KIAA1217: variants seen among roughly 807,000 people sequenced by gnomAD.
KIAA1217 encodes KIAA1217.
KIAA1217 carries 88 observed loss-of-function variants against 163.9 expected under a neutral mutation model. The ratio of observed to expected loss-of-function variants is 0.54; its 90% CI spans 0.45 to 0.64. The LOEUF (loss-of-function observed/expected upper bound fraction) is 0.64. Ranked by LOEUF, KIAA1217 falls within the 30% of genes least tolerant of loss-of-function variation. The pLI, the probability that KIAA1217 is intolerant of heterozygous loss-of-function variation, is 0.00. For missense variants in KIAA1217, 2,372 were observed against 2,475.0 expected (o/e 0.96, Z 0.88); for synonymous variants, 903 against 923.1 (o/e 0.98, Z 0.39).
chr10:24,219,577 C>T (rs573015612), intron 1 of KIAA1217, 49 bp from the exon 2 acceptor site: 1 of 1,480,264 alleles, frequency 6.8e-7, no homozygotes, highest in African/African-American at 1.4e-5. Context: ...GCAAATGAGA[C>T]TTCTAGTGTG....
intron 1 of KIAA1217, among the ~76,000 whole-genome samples, chr10:23,983,066 G>A (rs1845836917): frequency 6.6e-6 from 1 of 151,934 alleles, no homozygotes; most frequent in African/African-American, 2.4e-5. Flanking sequence ...ACCAGGGCAT[G>A]TTCTATGCAT....
At chr10:24,150,477 C>T (rs540162723) in intron 2 of KIAA1217, among the ~76,000 whole-genome samples, 1 of 152,314 alleles carries the variant, frequency 6.6e-6, no homozygotes, top group East Asian at 1.9e-4. Flanking sequence ...AGAAGGTCTG[C>T]AGGAGCAGAA....
chr10:23,979,683 G>C (rs1217841082), intron 1 of KIAA1217, among the ~76,000 whole-genome samples: 4 of 152,092 alleles, frequency 2.6e-5, no homozygotes, highest in Non-Finnish European at 5.9e-5. Flanking sequence ...TCTCTGCCCA[G>C]CCTCTCTCAC....
At chr10:24,008,188 AGAT>A (rs1564606647) in intron 2 of KIAA1217, among the ~76,000 whole-genome samples, 2 of 152,014 alleles carry the variant, frequency 1.3e-5, no homozygotes, top group Non-Finnish European at 2.9e-5. Flanking sequence ...ATAGATAGAT[AGAT>A]AGATAGATAG....
chr10:23,847,115 T>G (rs1389379345), intron 1 of KIAA1217, among the ~76,000 whole-genome samples: 2 of 152,220 alleles, frequency 1.3e-5, no homozygotes, highest in South Asian at 4.1e-4. Context: ...AGCTTTTTAA[T>G]GTGCTACTGG....
At chr10:23,903,565 G>T (rs1465868345) in intron 1 of KIAA1217, among the ~76,000 whole-genome samples, 1 of 152,066 alleles carries the variant, frequency 6.6e-6, no homozygotes, top group African/African-American at 2.4e-5. Flanking sequence ...ATAAACTGAG[G>T]GAGCTTAGCA....
At chr10:24,176,383 T>C (rs1272973816) in intron 2 of KIAA1217, among the ~76,000 whole-genome samples, 1 of 152,148 alleles carries the variant, frequency 6.6e-6, no homozygotes, top group African/African-American at 2.4e-5. Flanking sequence ...AACAGAGCAC[T>C]GATTGGTGCA....
intron 2 of KIAA1217, among the ~76,000 whole-genome samples, chr10:24,010,478 CT>C (rs34076735): frequency 1.8e-3 from 267 of 145,214 alleles, no homozygotes; most frequent in Admixed American, 3.0e-3. Context: ...CTGATCGATC[CT>C]TTTTTTTTTT....
intron 3 of KIAA1217, among the ~76,000 whole-genome samples, chr10:24,425,570 C>A (rs976146015): frequency 3.3e-5 from 5 of 152,154 alleles, no homozygotes; most frequent in African/African-American, 1.2e-4. Context: ...TTGCCATATT[C>A]TCTTACAATT....
intron 1 of KIAA1217, among the ~76,000 whole-genome samples, chr10:23,902,426 C>G (rs1841994834): frequency 6.6e-6 from 1 of 151,990 alleles, no homozygotes. Flanking sequence ...ATTGGATGGG[C>G]CACAAATTCA....
chr10:23,756,228 G>C (rs998381242), intron 1 of KIAA1217, among the ~76,000 whole-genome samples: 1 of 151,246 alleles, frequency 6.6e-6, no homozygotes, highest in African/African-American at 2.4e-5. Flanking sequence ...CTTCCAAAAT[G>C]CTGGGATTAC....
At chr10:24,228,368 C>T (rs1166648951) in intron 2 of KIAA1217, among the ~76,000 whole-genome samples, 2 of 151,740 alleles carry the variant, frequency 1.3e-5, no homozygotes, top group Non-Finnish European at 2.9e-5. Flanking sequence ...TAGGTTGGTG[C>T]AAAAGTAATT....
intron 1 of KIAA1217, among the ~76,000 whole-genome samples, chr10:23,734,049 T>A (rs555438847): frequency 6.6e-6 from 1 of 152,286 alleles, no homozygotes; most frequent in African/African-American, 2.4e-5. Context: ...AACATTGATG[T>A]AGACATGTGA....
intron 2 of KIAA1217, among the ~76,000 whole-genome samples, chr10:24,295,028 GTC>G (rs2040423617): frequency 6.6e-6 from 1 of 152,196 alleles, no homozygotes; most frequent in Non-Finnish European, 1.5e-5. Context: ...TACTAGAAAT[GTC>G]TCTCTTCTGG....
chr10:24,375,707 A>G (rs1261330306), intron 2 of KIAA1217, among the ~76,000 whole-genome samples: 3 of 152,226 alleles, frequency 2.0e-5, no homozygotes, highest in Non-Finnish European at 2.9e-5. Context: ...GGAAAACTTC[A>G]TTGTATTTTC....
Position 24,330,065 on chromosome 10 carries a change from C to T in KIAA1217, c.355-50804C>T, listed in dbSNP as rs191741139. Among the ~76,000 whole-genome samples, 252 of 151,872 alleles carry T rather than the reference C, an allele frequency of 1.7e-3. 2 individuals carry two copies. The highest frequency in any genetic ancestry group is 3.0e-3 in the Non-Finnish European group (207 of 67,950). ...CTGTAATCCCAGCACTTTGGGAGGCCGAGGCAGGTTGATCACCTGAGGTCA... is the reference window on the plus strand; with the variant it reads ...CTGTAATCCCAGCACTTTGGGAGGCTGAGGCAGGTTGATCACCTGAGGTCA... On this transcript the variant is annotated intron_variant, in intron 2 of 20. Transcript: ENST00000376454.
At chr10:23,966,483 A>G (rs559599629) in intron 1 of KIAA1217, among the ~76,000 whole-genome samples, 4 of 152,290 alleles carry the variant, frequency 2.6e-5, no homozygotes, top group South Asian at 2.1e-4. Flanking sequence ...TCTCTCAAGC[A>G]GTAGCCATCA....
intron 2 of KIAA1217, among the ~76,000 whole-genome samples, chr10:24,043,395 T>C (rs927573919): frequency 6.6e-6 from 1 of 152,156 alleles, no homozygotes; most frequent in African/African-American, 2.4e-5. Flanking sequence ...CTCTTCTCCA[T>C]TAAAAACTAT....
At chr10:23,871,648 C>G (rs1740187791) in intron 1 of KIAA1217, among the ~76,000 whole-genome samples, 2 of 151,044 alleles carry the variant, frequency 1.3e-5, no homozygotes, top group Non-Finnish European at 2.9e-5. Context: ...CCTGTCACCA[C>G]CAAAATTGAT....
Sources: gnomAD v4.1 joint callset for allele counts (sites outside exome capture counted in the v4.1 genomes callset) on GRCh38, gnomAD v4.1.1 for gene constraint, MANE v1.5 for transcripts, NCBI Gene and HGNC (gene_info 2026-07-23, HGNC 2026-07-21) for gene names.